FRMD4B: variants seen among roughly 807,000 people sequenced by gnomAD.
The protein encoded by FRMD4B is FERM domain containing 4B, also known as FERM domain-containing protein 4B.
Under a neutral mutation model 141.5 loss-of-function variants are expected in FRMD4B, and 74 were observed. The observed-to-expected ratio is 0.52, with a 90% CI of 0.43 to 0.63. The LOEUF (loss-of-function observed/expected upper bound fraction) is 0.63, where lower values mean the gene tolerates loss of function less well. Ranked by LOEUF, FRMD4B falls within the 30% of genes least tolerant of loss-of-function variation. The pLI is 0.00. For missense variants in FRMD4B, 1,366 were observed against 1,253.4 expected (o/e 1.09, Z -1.36); for synonymous variants, 506 against 467.9 (o/e 1.08, Z -1.05).
At chr3:69,317,754 C>CA (rs765280161) in intron 1 of FRMD4B, among the ~76,000 whole-genome samples, 20,405 of 52,344 alleles carry the variant, frequency 0.39, 3,888 homozygotes, top group East Asian at 0.78. Context: ...GACACCAACT[C>CA]AAAAAAAAAA....
intron 7 of FRMD4B, among the ~76,000 whole-genome samples, chr3:69,232,516 GCCC>G (rs968672587): frequency 6.6e-6 from 1 of 152,130 alleles, no homozygotes; most frequent in Non-Finnish European, 1.5e-5. Flanking sequence ...TCATTCTGAA[GCCC>G]CCCTTTCACA....
At chr3:69,428,618 A>G (rs1705124883) in intron 2 of FRMD4B, among the ~76,000 whole-genome samples, 1 of 152,034 alleles carries the variant, frequency 6.6e-6, no homozygotes, top group Admixed American at 6.6e-5. Context: ...ATTTTAAACT[A>G]TTAACACTTT....
intron 1 of FRMD4B, among the ~76,000 whole-genome samples, chr3:69,474,510 G>A (rs1705949792): frequency 6.6e-6 from 1 of 152,138 alleles, no homozygotes; most frequent in Non-Finnish European, 1.5e-5. Context: ...CCAAAGGAAG[G>A]AAAGCCAGGG....
chr3:69,519,034 A>C (rs1179889089), intron 1 of FRMD4B, among the ~76,000 whole-genome samples: 2 of 152,148 alleles, frequency 1.3e-5, no homozygotes, highest in East Asian at 3.9e-4. Flanking sequence ...AAGAATGGGG[A>C]TGTTTAACAG....
chr3:69,501,627 G>C lies in FRMD4B; in HGVS notation c.-129+40579C>G, dbSNP rs1258810006. Among the ~76,000 whole-genome samples the C allele has an allele frequency of 1.3e-5, 2 of 152,262 alleles. 1 individual carries two copies. Among genetic ancestry groups the C allele is most frequent in the Middle Eastern group, 6.8e-3 (2 of 294 alleles). The stretch of plus-strand genomic sequence containing the variant: ...TCCCTTTGACAACTGGCACAAGACA[G>C]GGATGCCCTCTCTCACCACTCCTAT... On this transcript the variant is annotated intron_variant, in intron 1 of 5. Transcript: ENST00000459638.
rs111781357 is a variant in FRMD4B at position 69,230,279 on chromosome 3, A to G, written c.582-5589T>C. On this transcript the variant is annotated intron_variant, in intron 7 of 22. Coordinates refer to ENST00000398540, the MANE Select transcript of FRMD4B (RefSeq NM_015123.3). Reference sequence around the variant, plus strand: ...GCATGAGCCACCTCGTCCGGCGACTATCAAACTTTAAAACTCCAACAAGGT... The same window carrying G: ...GCATGAGCCACCTCGTCCGGCGACTGTCAAACTTTAAAACTCCAACAAGGT... Among the ~76,000 whole-genome samples the G allele has an allele frequency of 3.5e-3, 536 of 152,248 alleles. 3 individuals are homozygous for G. Among genetic ancestry groups the G allele is most frequent in the African/African-American group, 0.012 (512 of 41,554 alleles).
At chr3:69,172,666 G>A (rs964210997) in intron 22 of FRMD4B, among the ~76,000 whole-genome samples, 2 of 152,086 alleles carry the variant, frequency 1.3e-5, no homozygotes, top group African/African-American at 4.8e-5. Context: ...GGGTTTATGG[G>A]TCAGGCATAA....
chr3:69,423,710 G>A (rs551084672), intron 2 of FRMD4B, among the ~76,000 whole-genome samples: 1 of 152,260 alleles, frequency 6.6e-6, no homozygotes, highest in East Asian at 1.9e-4. Flanking sequence ...CCTCATGAAA[G>A]AGGCCCCAGA....
At chr3:69,198,659 A>G in intron 12 of FRMD4B, 39 bp downstream of exon 12, 2 of 953,626 alleles carry the variant, frequency 2.1e-6, no homozygotes, top group Non-Finnish European at 3.3e-6. Flanking sequence ...TTATTTGTAT[A>G]GTAACTGTGT....
intron 2 of FRMD4B, among the ~76,000 whole-genome samples, chr3:69,408,272 G>A (rs963301910): frequency 6.6e-6 from 1 of 152,206 alleles, no homozygotes; most frequent in African/African-American, 2.4e-5. Context: ...GAAGAATCCT[G>A]AAGTCATGAG....
chr3:69,372,877 C>G (rs1271555244), intron 1 of FRMD4B, among the ~76,000 whole-genome samples: 1 of 152,064 alleles, frequency 6.6e-6, no homozygotes, highest in African/African-American at 2.4e-5. Context: ...ATTAATATCT[C>G]CAATTTAAAA....
At chr3:69,245,664 C>CTTT (rs71115668) in intron 7 of FRMD4B, among the ~76,000 whole-genome samples, 1 of 102,472 alleles carries the variant, frequency 9.8e-6, no homozygotes, top group South Asian at 3.3e-4. Flanking sequence ...ATTTTCTTTT[C>CTTT]TTTTTTTTTT....
At chr3:69,363,668 C>A (rs566595365) in intron 1 of FRMD4B, among the ~76,000 whole-genome samples, 40 of 151,540 alleles carry the variant, frequency 2.6e-4, no homozygotes, top group African/African-American at 9.2e-4. Flanking sequence ...GGATTACAGG[C>A]GTGAGCCACT....
chr3:69,376,397 G>C (rs949369022), intron 1 of FRMD4B, among the ~76,000 whole-genome samples: 1 of 151,466 alleles, frequency 6.6e-6, no homozygotes, highest in East Asian at 1.9e-4. Flanking sequence ...CACATGCAAA[G>C]TGCCAAGCAT....
chr3:69,301,771 C>A (rs1048056858), intron 4 of FRMD4B, among the ~76,000 whole-genome samples: 1 of 152,214 alleles, frequency 6.6e-6, no homozygotes, highest in Non-Finnish European at 1.5e-5. Flanking sequence ...CCCAAGCAAA[C>A]CTCAGAGAAC....
chr3:69,209,601 G>C (rs1003953566), intron 11 of FRMD4B, among the ~76,000 whole-genome samples: 7 of 152,148 alleles, frequency 4.6e-5, no homozygotes, highest in African/African-American at 1.7e-4. Flanking sequence ...TGGAAATGCA[G>C]AACTGGTTCT....
intron 4 of FRMD4B, chr3:69,292,935 C>A (rs948021280): frequency 4.9e-5 from 19 of 389,510 alleles, no homozygotes; most frequent in Non-Finnish European, 9.1e-5. Flanking sequence ...CGGAAAGAAC[C>A]CAGGCTTTTT....
intron 1 of FRMD4B, among the ~76,000 whole-genome samples, chr3:69,375,126 T>A (rs1037032575): frequency 7.0e-6 from 1 of 142,172 alleles, no homozygotes; most frequent in Non-Finnish European, 1.5e-5. Flanking sequence ...CCATCCAACA[T>A]CCATCCATCT....
At chr3:69,400,294 G>T (rs144561397) in intron 2 of FRMD4B, among the ~76,000 whole-genome samples, 1,680 of 151,978 alleles carry the variant, frequency 0.011, 36 homozygotes, top group African/African-American at 0.039. Flanking sequence ...AGCTGGGTTT[G>T]AATCCACGGG....
Sources: allele counts gnomAD v4.1 joint callset (sites outside exome capture counted in the v4.1 genomes callset), GRCh38; gene constraint gnomAD v4.1.1; transcripts MANE v1.5; gene names NCBI Gene and HGNC (gene_info 2026-07-23, HGNC 2026-07-21).